STXBP4: variants seen among roughly 807,000 people sequenced by gnomAD.
STXBP4 encodes syntaxin binding protein 4, also known as syntaxin-binding protein 4.
STXBP4 carries 55 observed loss-of-function variants against 76.1 expected under a neutral mutation model. The ratio of observed to expected loss-of-function variants is 0.72; its 90% CI spans 0.58 to 0.91. The LOEUF (loss-of-function observed/expected upper bound fraction) is 0.91, where lower values mean the gene tolerates loss of function less well. STXBP4 is among the 40% of genes least tolerant of loss of function. STXBP4 has a pLI of 0.00. For synonymous variants in STXBP4, 201 were observed against 220.2 expected (o/e 0.91, Z 0.77); for missense variants, 618 against 636.9 (o/e 0.97, Z 0.32).
chr17:55,116,340 A>C (rs974915827), intron 16 of STXBP4, among the ~76,000 whole-genome samples: 1 of 151,786 alleles, frequency 6.6e-6, no homozygotes, highest in Non-Finnish European at 1.5e-5. Context: ...TATTTACCAT[A>C]ATATCACATT....
intron 11 of STXBP4, chr17:55,043,779 A>G (rs1269012331): frequency 2.6e-6 from 2 of 762,282 alleles, no homozygotes; most frequent in Non-Finnish European, 4.2e-6. Flanking sequence ...GAGGAAAAAA[A>G]CACACATATC....
At chr17:55,031,856 T>C (rs2078514919) in intron 9 of STXBP4, among the ~76,000 whole-genome samples, 1 of 152,212 alleles carries the variant, frequency 6.6e-6, no homozygotes, top group South Asian at 2.1e-4. Flanking sequence ...GATGTATAAG[T>C]GAACCTGTGT....
At chr17:54,979,463 A>G (rs1340165912) in intron 1 of STXBP4, among the ~76,000 whole-genome samples, 2 of 152,156 alleles carry the variant, frequency 1.3e-5, no homozygotes, top group Non-Finnish European at 2.9e-5. Flanking sequence ...TGCCCCTGGA[A>G]AAGCTAACAG....
At chr17:54,991,560 T>A (rs2077716932) in intron 4 of STXBP4, 1 of 152,136 alleles carries the variant, frequency 6.6e-6, no homozygotes, top group African/African-American at 2.4e-5. Context: ...CCCAGCAGTT[T>A]AACAAACTAG....
intron 10 of STXBP4, among the ~76,000 whole-genome samples, chr17:55,041,600 T>C (rs541143364): frequency 9.1e-4 from 139 of 152,142 alleles, no homozygotes; most frequent in Non-Finnish European, 1.5e-3. Flanking sequence ...AGTAGCAACA[T>C]TGAGTTTCCC....
At chr17:55,064,018 A>G (rs1220612441) in intron 12 of STXBP4, among the ~76,000 whole-genome samples, 1 of 152,218 alleles carries the variant, frequency 6.6e-6, no homozygotes, top group African/African-American at 2.4e-5. Flanking sequence ...ACAGTTTACT[A>G]TGTGAGAAAC....
intron 16 of STXBP4, among the ~76,000 whole-genome samples, chr17:55,108,542 C>T (rs2079665844): frequency 6.6e-6 from 1 of 152,202 alleles, no homozygotes; most frequent in Admixed American, 6.5e-5. Flanking sequence ...GTGATGTAGG[C>T]ACCTGAGGTA....
Position 55,078,752 on chromosome 17 carries a change from G to C in STXBP4, c.1355+17G>C. On this transcript the variant is annotated intron_variant, in intron 15 of 17. Coordinates refer to ENST00000376352, the MANE Select transcript of STXBP4 (RefSeq NM_178509.6). ...AAATTTAAGGTAAGAAAATTTAAGTGCTTTTTGCAGAATATGGGTAGTGAT... is the reference window on the plus strand; with the variant it reads ...AAATTTAAGGTAAGAAAATTTAAGTCCTTTTTGCAGAATATGGGTAGTGAT... 7.2e-7 allele frequency: 1 copy of C among 1,382,196 alleles called. No individual in the cohort carries two copies. The highest frequency in any genetic ancestry group is 1.0e-6 in the Non-Finnish European group (1 of 972,556). The allele number at this position is 1,382,196 out of a possible 1,614,324, so 85.6% of individuals were successfully genotyped here.
chr17:55,141,581 A>G (rs756691620), intron 17 of STXBP4, among the ~76,000 whole-genome samples: 10 of 152,214 alleles, frequency 6.6e-5, no homozygotes, highest in Non-Finnish European at 1.2e-4. Flanking sequence ...TTCTAGGGAA[A>G]CATCAAAAAA....
intron 16 of STXBP4, among the ~76,000 whole-genome samples, chr17:55,093,480 C>T (rs1020517228): frequency 2.6e-5 from 4 of 152,228 alleles, no homozygotes; most frequent in African/African-American, 4.8e-5. Context: ...TTTTGTAAAA[C>T]AGCCCTGTTC....
At chr17:55,191,265 C>T in the STXBP4 span, among the ~76,000 whole-genome samples, 1 of 152,128 alleles carries the variant, frequency 6.6e-6, no homozygotes, top group African/African-American at 2.4e-5. Flanking sequence ...CAGGACAGGG[C>T]TTCTCAAACT....
At chr17:55,070,980 T>A (rs1598284938) in intron 12 of STXBP4, among the ~76,000 whole-genome samples, 1 of 152,182 alleles carries the variant, frequency 6.6e-6, no homozygotes, top group African/African-American at 2.4e-5. Flanking sequence ...GCTAAATAAA[T>A]GCTATTGATG....
At chr17:55,183,510 C>T in the STXBP4 span, among the ~76,000 whole-genome samples, 221 of 152,276 alleles carry the variant, frequency 1.5e-3, 7 homozygotes, top group South Asian at 0.045. Context: ...GTTAAAATGA[C>T]AGATTCAAGC....
the STXBP4 span, among the ~76,000 whole-genome samples, chr17:55,197,891 G>T: frequency 6.6e-6 from 1 of 152,356 alleles, no homozygotes; most frequent in South Asian, 2.1e-4. Context: ...TACCGGGGCA[G>T]GGAGGGTCTT....
chr17:55,010,129 C>T (rs1673934166), intron 8 of STXBP4, among the ~76,000 whole-genome samples: 1 of 151,806 alleles, frequency 6.6e-6, no homozygotes, highest in Non-Finnish European at 1.5e-5. Context: ...AATAAAATTT[C>T]ACAAGGAAAG....
At chr17:55,068,291 C>T (rs2079077640) in intron 12 of STXBP4, among the ~76,000 whole-genome samples, 1 of 152,060 alleles carries the variant, frequency 6.6e-6, no homozygotes, top group South Asian at 2.1e-4. Flanking sequence ...TGCACAAAAA[C>T]ATTATATCTC....
At chr17:55,058,470 T>C (rs2078959027) in intron 12 of STXBP4, among the ~76,000 whole-genome samples, 1 of 152,196 alleles carries the variant, frequency 6.6e-6, no homozygotes, top group Non-Finnish European at 1.5e-5. Flanking sequence ...TTTTTTATTA[T>C]CTACCTGAAA....
intron 1 of STXBP4, among the ~76,000 whole-genome samples, chr17:54,982,594 T>G (rs927621195): frequency 6.7e-5 from 10 of 149,086 alleles, no homozygotes; most frequent in Non-Finnish European, 1.3e-4. Flanking sequence ...TGAGGGTGGT[T>G]TGTGTGTGTG....
chr17:54,987,990 AAG>A (rs1598160809), intron 3 of STXBP4, among the ~76,000 whole-genome samples: 1 of 152,306 alleles, frequency 6.6e-6, no homozygotes. Context: ...AATAGGAAAA[AAG>A]AGTATATAAT....
Sources: gnomAD v4.1 joint callset for allele counts (sites outside exome capture counted in the v4.1 genomes callset) on GRCh38, gnomAD v4.1.1 for gene constraint, MANE v1.5 for transcripts, NCBI Gene and HGNC (gene_info 2026-07-23, HGNC 2026-07-21) for gene names.